FGF13: variants seen among roughly 807,000 people sequenced by gnomAD.
The protein encoded by FGF13 is fibroblast growth factor 13, also known as fibroblast growth factor homologous factor 2.
A neutral mutation model predicts 19.5 loss-of-function variants in FGF13; 2 were observed. The observed-to-expected ratio is 0.10, with a 90% CI of 0.04 to 0.32. FGF13 has a LOEUF of 0.32. Ranked by LOEUF, FGF13 falls within the 10% of genes least tolerant of loss-of-function variation. FGF13 has a pLI of 1.00. For synonymous variants in FGF13, 72 were observed against 76.9 expected (o/e 0.94, Z 0.33); for missense variants, 113 against 192.7 (o/e 0.59, Z 2.45).
chrX:138,744,974 A>T (rs999093164), intron 3 of FGF13, among the ~76,000 whole-genome samples: 1 of 111,894 alleles, frequency 8.9e-6, no homozygotes, highest in African/African-American at 3.2e-5. Flanking sequence ...AAATCTAAAC[A>T]AGTGTACACA....
chrX:138,681,358 C>G (rs1025369679), intron 3 of FGF13, among the ~76,000 whole-genome samples: 5 of 110,437 alleles, frequency 4.5e-5, no homozygotes, highest in African/African-American at 1.3e-4. Context: ...CTCTAGCTTG[C>G]AACTTTTCTT....
At position 138,632,614 on chromosome X, in the gene FGF13, T is replaced by A; in HGVS notation, c.*236A>T. The A allele has an allele frequency of 3.4e-6, 1 of 295,050 alleles. No individual in the cohort carries two copies. The highest frequency in any genetic ancestry group is 6.0e-6 in the Non-Finnish European group (1 of 165,472). 24.3% of individuals were successfully genotyped at this position (295,050 alleles called of 1,213,427 possible). On this transcript the variant is annotated 3_prime_UTR_variant, in exon 5 of 5. Transcript: ENST00000315930. Reference sequence around the variant, plus strand: ...TCATGAGAAAATTTGGCAGTCCTTCTCTCAGATTTAGTTCACTAAAATGCT... The same window carrying A: ...TCATGAGAAAATTTGGCAGTCCTTCACTCAGATTTAGTTCACTAAAATGCT...
chrX:138,878,283 T>C (rs1208311112), intron 1 of FGF13, among the ~76,000 whole-genome samples: 1 of 96,339 alleles, frequency 1.0e-5, no homozygotes, highest in Non-Finnish European at 2.1e-5. Context: ...GTATATCTCC[T>C]AATGCTATCC....
chrX:139,020,829 G>T (rs1424462724), intron 1 of FGF13, among the ~76,000 whole-genome samples: 1 of 110,929 alleles, frequency 9.0e-6, no homozygotes, highest in African/African-American at 3.3e-5. Context: ...GGTTGTTAGG[G>T]GTGGAGAAGT....
intron 1 of FGF13, among the ~76,000 whole-genome samples, chrX:138,925,691 C>G (rs2091669538): frequency 9.0e-6 from 1 of 110,970 alleles, no homozygotes; most frequent in Non-Finnish European, 1.9e-5. Context: ...GAAAGCCCAT[C>G]CACATCCCCC....
chrX:138,952,286 C>T (rs143749836), intron 1 of FGF13, among the ~76,000 whole-genome samples: 1,397 of 111,312 alleles, frequency 0.013, 14 homozygotes, highest in East Asian at 0.093. Context: ...TATCTACAAC[C>T]ATCTGATCTT....
chrX:139,157,677 T>C (rs1056213071), intron 1 of FGF13, among the ~76,000 whole-genome samples: 5 of 112,988 alleles, frequency 4.4e-5, no homozygotes, highest in Non-Finnish European at 9.4e-5. Context: ...TGGTATTCTG[T>C]TTTAGCAATA....
intron 3 of FGF13, among the ~76,000 whole-genome samples, chrX:138,838,189 T>A (rs1050564442): frequency 8.9e-6 from 1 of 112,104 alleles, no homozygotes; most frequent in African/African-American, 3.2e-5. Context: ...GGTCTTATCC[T>A]GTGAGGCACA....
At chrX:139,109,595 C>T (rs1474782577) in intron 1 of FGF13, among the ~76,000 whole-genome samples, 4 of 111,404 alleles carry the variant, frequency 3.6e-5, no homozygotes, top group East Asian at 5.7e-4. Flanking sequence ...CACTCACCAG[C>T]GGAGCGACCA....
chrX:139,002,271 T>C (rs893108537), intron 1 of FGF13, among the ~76,000 whole-genome samples: 1 of 111,297 alleles, frequency 9.0e-6, no homozygotes, highest in Admixed American at 9.5e-5. Context: ...CAAACTCACA[T>C]GTCACATGTA....
chrX:138,865,193 G>A (rs940619189), intron 1 of FGF13, among the ~76,000 whole-genome samples: 1 of 111,690 alleles, frequency 9.0e-6, no homozygotes, highest in Non-Finnish European at 1.9e-5. Flanking sequence ...CAGTACGAAC[G>A]CAATCTAAAC....
At chrX:139,022,118 T>A (rs1269868911) in intron 1 of FGF13, among the ~76,000 whole-genome samples, 1 of 111,329 alleles carries the variant, frequency 9.0e-6, no homozygotes, top group Admixed American at 9.6e-5. Flanking sequence ...GTGGGAGATT[T>A]GCCAGGTAAG....
upstream of FGF13, among the ~76,000 whole-genome samples, chrX:138,715,516 C>T (rs1003785500): frequency 3.6e-5 from 4 of 112,379 alleles, no homozygotes; most frequent in Non-Finnish European, 7.5e-5. Context: ...TATAGTGGAG[C>T]TCATTGTATG....
intron 1 of FGF13, among the ~76,000 whole-genome samples, chrX:138,944,412 G>A (rs1603053559): frequency 9.1e-6 from 1 of 110,190 alleles, no homozygotes; most frequent in African/African-American, 3.3e-5. Context: ...CCTTCACTTT[G>A]GGAAGGAATT....
At chrX:139,159,994 G>T (rs28808373) in intron 1 of FGF13, among the ~76,000 whole-genome samples, 13,146 of 110,919 alleles carry the variant, frequency 0.12, 1,295 homozygotes, top group African/African-American at 0.33. Flanking sequence ...GCAGACCTAA[G>T]AGACATCTAC....
intron 1 of FGF13, among the ~76,000 whole-genome samples, chrX:138,932,509 G>A (rs909261159): frequency 3.3e-4 from 32 of 98,099 alleles, no homozygotes; most frequent in Non-Finnish European, 6.0e-4. Flanking sequence ...AACCCGGCGC[G>A]GGAGGGCGGG....
Position 138,777,664 on chromosome X carries a change from G to T in FGF13, c.218-68736C>A, listed in dbSNP as rs767294444. Among the ~76,000 whole-genome samples the T allele has an allele frequency of 4.5e-5, 5 of 111,742 alleles. No homozygotes were observed. The East Asian group carries it at 1.4e-3, about 32-fold the overall frequency. ...AGCAAGGACCAGTGGGAGTTCCCAA[G>T]GCACCAGATAAACCATGCCGACCAA... On this transcript the variant is annotated intron_variant, in intron 3 of 6. Coordinates refer to the FGF13 transcript ENST00000436198.
At chrX:139,043,148 G>A (rs1444465759) in intron 1 of FGF13, among the ~76,000 whole-genome samples, 2 of 111,197 alleles carry the variant, frequency 1.8e-5, no homozygotes, top group Non-Finnish European at 3.8e-5. Flanking sequence ...CCCCAAGGAG[G>A]AGGAAGTTAT....
intron 3 of FGF13, among the ~76,000 whole-genome samples, chrX:138,671,522 G>A (rs887256004): frequency 9.0e-6 from 1 of 111,498 alleles, no homozygotes; most frequent in Non-Finnish European, 1.9e-5. Context: ...CATTTATTGA[G>A]TACCTAGTAT....
Sources: allele counts gnomAD v4.1 joint callset (sites outside exome capture counted in the v4.1 genomes callset), GRCh38; gene constraint gnomAD v4.1.1; transcripts MANE v1.5; gene names NCBI Gene and HGNC (gene_info 2026-07-23, HGNC 2026-07-21).